ASTN2: variants seen among roughly 807,000 people sequenced by gnomAD.
ASTN2 encodes astrotactin 2, also known as astrotactin-2.
ASTN2 carries 54 observed loss-of-function variants against 139.8 expected under a neutral mutation model. The observed-to-expected ratio is 0.39, with a 90% CI of 0.31 to 0.48. The LOEUF (loss-of-function observed/expected upper bound fraction) is 0.48, where lower values mean the gene tolerates loss of function less well. Among genes scored for constraint, ASTN2 ranks in the 20% least tolerant of loss-of-function variants. The probability of loss-of-function intolerance (pLI) is 0.95; values close to 1 mark genes in which losing one functional copy is unlikely to be tolerated. For missense variants in ASTN2, 1,565 were observed against 1,725.1 expected, an observed-to-expected ratio of 0.91 and a Z score of 1.64; for synonymous variants, 756 against 719.5, an observed-to-expected ratio of 1.05 and a Z score of -0.81.
intron 6 of ASTN2, among the ~76,000 whole-genome samples, chr9:117,033,563 A>C (rs548606046): frequency 8.7e-4 from 133 of 152,218 alleles, no homozygotes; most frequent in African/African-American, 3.0e-3. Context: ...TTCCAAACCA[A>C]GGCTTCATCT....
At chr9:117,149,061 C>A (rs1325882131) in intron 3 of ASTN2, among the ~76,000 whole-genome samples, 1 of 151,780 alleles carries the variant, frequency 6.6e-6, no homozygotes. Context: ...ACTCCATTGC[C>A]CAAGCTGGAG....
intron 2 of ASTN2, among the ~76,000 whole-genome samples, chr9:117,244,571 AAGGGAGGGAGGGAGGGAGGG>A (rs143689553): frequency 0.67 from 67,855 of 101,756 alleles, 21,356 homozygotes; most frequent in East Asian, 0.8. Flanking sequence ...GGAAGGAAGG[AAGGGAGGGAGGGAGGGAGGG>A]AGGGAGGGAG....
intron 1 of ASTN2, among the ~76,000 whole-genome samples, chr9:117,330,998 T>G (rs1828689755): frequency 6.6e-6 from 1 of 152,136 alleles, no homozygotes; most frequent in African/African-American, 2.4e-5. Flanking sequence ...GGACCCTGTG[T>G]CCTCAGCAGT....
chr9:117,298,732 GTATA>G (rs368189490), intron 1 of ASTN2, among the ~76,000 whole-genome samples: 267 of 111,976 alleles, frequency 2.4e-3, no homozygotes, highest in South Asian at 4.9e-3. Flanking sequence ...GTGTGTGTGT[GTATA>G]TATATATATC....
intron 2 of ASTN2, among the ~76,000 whole-genome samples, chr9:117,236,854 T>C (rs1176774339): frequency 3.3e-5 from 5 of 152,248 alleles, no homozygotes; most frequent in Non-Finnish European, 7.3e-5. Flanking sequence ...GTCCTAGTTA[T>C]AGCGTCTAAC....
intron 4 of ASTN2, among the ~76,000 whole-genome samples, chr9:117,103,380 C>T (rs931290056): frequency 2.6e-5 from 4 of 152,160 alleles, no homozygotes; most frequent in Non-Finnish European, 5.9e-5. Context: ...AAGCCTTCCC[C>T]TAGATGGCAT....
At chr9:117,323,277 CCT>C (rs1828394298) in intron 1 of ASTN2, among the ~76,000 whole-genome samples, 1 of 152,098 alleles carries the variant, frequency 6.6e-6, no homozygotes, top group Non-Finnish European at 1.5e-5. Context: ...GTCTGCCCCA[CCT>C]CTGACCCCCC....
At chr9:116,506,568 C>A (rs1348593109) in intron 19 of ASTN2, among the ~76,000 whole-genome samples, 1 of 152,004 alleles carries the variant, frequency 6.6e-6, no homozygotes, top group Non-Finnish European at 1.5e-5. Flanking sequence ...AGAGCTCTGG[C>A]CCTCATCTGG....
chr9:116,646,599 G>C (rs1040289473), intron 17 of ASTN2, among the ~76,000 whole-genome samples: 1 of 152,028 alleles, frequency 6.6e-6, no homozygotes, highest in African/African-American at 2.4e-5. Context: ...CATTCCCACT[G>C]CAACCTGGCT....
At chr9:116,477,950 CCAAGAAAGAGAGAA>C (rs967970674) in intron 20 of ASTN2, among the ~76,000 whole-genome samples, 3 of 148,804 alleles carry the variant, frequency 2.0e-5, no homozygotes, top group Non-Finnish European at 3.0e-5. Flanking sequence ...GTGTCCATGA[CCAAGAAAGAGAGAA>C]CAAGAAAGAA....
intron 19 of ASTN2, among the ~76,000 whole-genome samples, chr9:116,527,926 A>G (rs1326957795): frequency 6.6e-6 from 1 of 152,166 alleles, no homozygotes; most frequent in African/African-American, 2.4e-5. Flanking sequence ...CCCAAGCCAC[A>G]TAGAACTGTG....
intron 3 of ASTN2, among the ~76,000 whole-genome samples, chr9:117,194,686 G>A (rs185567533): frequency 2.6e-5 from 4 of 152,342 alleles, no homozygotes; most frequent in Admixed American, 2.6e-4. Flanking sequence ...ATGGACAGGA[G>A]TAATACATGT....
intron 19 of ASTN2, among the ~76,000 whole-genome samples, chr9:116,606,051 C>G (rs1047503399): frequency 3.9e-5 from 6 of 152,102 alleles, no homozygotes; most frequent in African/African-American, 1.2e-4. Context: ...GCTTCTTACT[C>G]CCACATCTAC....
chr9:117,146,278 G>A (rs1830193634), intron 3 of ASTN2, among the ~76,000 whole-genome samples: 1 of 152,122 alleles, frequency 6.6e-6, no homozygotes, highest in South Asian at 2.1e-4. Flanking sequence ...TGCAACAGAT[G>A]CTGCTTGATC....
At chr9:117,259,555 C>T (rs1833773000) in intron 2 of ASTN2, among the ~76,000 whole-genome samples, 1 of 152,184 alleles carries the variant, frequency 6.6e-6, no homozygotes, top group African/African-American at 2.4e-5. Context: ...GAGGCTTCAT[C>T]TGCATTATAA....
intron 16 of ASTN2, among the ~76,000 whole-genome samples, chr9:116,653,439 C>T (rs1858035807): frequency 1.3e-5 from 2 of 152,156 alleles, no homozygotes; most frequent in South Asian, 4.1e-4. Flanking sequence ...ATATCAAAAA[C>T]CTTGAAGAAG....
intron 17 of ASTN2, among the ~76,000 whole-genome samples, chr9:116,632,316 A>G (rs1005869179): frequency 8.1e-6 from 1 of 123,806 alleles, no homozygotes; most frequent in African/African-American, 3.0e-5. Context: ...ATGTACAACT[A>G]TTATGTATCA....
chr9:116,604,270 G>T (rs1855071732), intron 19 of ASTN2, among the ~76,000 whole-genome samples: 2 of 152,076 alleles, frequency 1.3e-5, no homozygotes, highest in African/African-American at 4.8e-5. Flanking sequence ...GGGTGGCATG[G>T]GGGAATGAAC....
In ASTN2 at chr9:117,349,725, C is replaced by G. The variant is rs556207388; in HGVS notation, c.443-58212G>C. ...ATAATTGTCTTGCAGTGGAAAAACC[C>G]AATGGACACTGCCCCAAATAAATGA... On this transcript the variant is annotated intron_variant, in intron 1 of 22. Coordinates refer to ENST00000313400, the MANE Select transcript of ASTN2 (RefSeq NM_001365068.1). Among the ~76,000 whole-genome samples, 6 of 152,190 alleles carry G rather than the reference C, an allele frequency of 3.9e-5. No homozygotes were observed. The East Asian group carries it at 1.2e-3, about 29-fold the overall frequency.
Sources: gnomAD v4.1 joint callset for allele counts (sites outside exome capture counted in the v4.1 genomes callset) on GRCh38, gnomAD v4.1.1 for gene constraint, MANE v1.5 for transcripts, NCBI Gene and HGNC (gene_info 2026-07-23, HGNC 2026-07-21) for gene names.